Variants in CUX2 observed in about 807,000 individuals in gnomAD.
CUX2 encodes the protein homeobox protein cut-like 2.
A neutral mutation model predicts 144.8 loss-of-function variants in CUX2; 40 were observed. The ratio of observed to expected loss-of-function variants is 0.28; its 90% CI spans 0.21 to 0.36. The LOEUF (loss-of-function observed/expected upper bound fraction) is 0.36, where lower values mean the gene tolerates loss of function less well. CUX2 is among the 10% of genes least tolerant of loss of function. CUX2 has a pLI of 1.00. For synonymous variants in CUX2, 827 were observed against 875.6 expected, an observed-to-expected ratio of 0.94 and a Z score of 0.98; for missense variants, 1,615 against 1,994.0, an observed-to-expected ratio of 0.81 and a Z score of 3.62.
chr12:111,256,667 C>G (rs1227960359), intron 3 of CUX2, among the ~76,000 whole-genome samples: 1 of 152,154 alleles, frequency 6.6e-6, no homozygotes, highest in Non-Finnish European at 1.5e-5. Context: ...CAAGTCTGGG[C>G]CCTGGAGTGA....
At chr12:111,144,339 G>A (rs953289435) in intron 1 of CUX2, among the ~76,000 whole-genome samples, 1 of 152,110 alleles carries the variant, frequency 6.6e-6, no homozygotes, top group Non-Finnish European at 1.5e-5. Flanking sequence ...TGCCTTTTCC[G>A]GAGCCATCAG....
At chr12:111,214,331 T>A (rs748468383) in intron 2 of CUX2, 21 bp downstream of exon 2, 1 of 1,382,196 alleles carries the variant, frequency 7.2e-7, no homozygotes, top group South Asian at 1.2e-5. Flanking sequence ...TTTGCCGTTA[T>A]AGAATTAACT....
intron 14 of CUX2, 96 bp downstream of exon 14, chr12:111,308,622 A>T (rs1886720332): frequency 9.7e-7 from 1 of 1,032,376 alleles, no homozygotes; most frequent in Admixed American, 2.2e-5. Context: ...CCTTCCATGC[A>T]GGCAGGAGAA....
intron 1 of CUX2, among the ~76,000 whole-genome samples, chr12:111,202,924 G>T (rs1476255455): frequency 6.6e-6 from 1 of 152,030 alleles, no homozygotes; most frequent in Admixed American, 6.6e-5. Context: ...ACAGAAACGT[G>T]CTTAGTGTGT....
At chr12:111,226,591 C>G (rs1301283077) in intron 3 of CUX2, among the ~76,000 whole-genome samples, 2 of 152,024 alleles carry the variant, frequency 1.3e-5, no homozygotes, top group African/African-American at 2.4e-5. Flanking sequence ...ATCTAAAGAA[C>G]GATATTGACT....
At chr12:111,174,490 A>G (rs2136171456) in intron 1 of CUX2, among the ~76,000 whole-genome samples, 2 of 152,368 alleles carry the variant, frequency 1.3e-5, no homozygotes, top group South Asian at 4.1e-4. Context: ...TGTGAGTCAC[A>G]TGCAGCCCCT....
At position 111,304,061 on chromosome 12, in the gene CUX2, A is replaced by G. The variant is rs1217569460; in HGVS notation, c.754-149A>G. On this transcript the variant is annotated intron_variant, in intron 9 of 21. Coordinates refer to ENST00000261726, the MANE Select transcript of CUX2 (RefSeq NM_015267.4). This position sits in a 1 kb window ranked among gnomAD's most constrained non-coding sequence, Gnocchi z 4.7. ...AGACAGGGCTCTGTGACTGGTCTTC[A>G]TAGCTCCAGGACAGGGTCCGGGACT... 6.6e-6 allele frequency: 4 copies of G among 610,110 alleles called. No individual in the cohort carries two copies. The highest frequency in any genetic ancestry group is 1.2e-5 in the Non-Finnish European group (4 of 342,246). The allele number at this position is 610,110 out of a possible 1,614,324, so 37.8% of individuals were successfully genotyped here. A position where few individuals can be genotyped will look rare whatever the true frequency, so the allele number is the denominator to read the frequency against.
intron 1 of CUX2, among the ~76,000 whole-genome samples, chr12:111,044,340 C>T (rs2136005021): frequency 6.6e-6 from 1 of 152,136 alleles, no homozygotes; most frequent in Admixed American, 6.5e-5. Flanking sequence ...CCTTACTTGC[C>T]CTCAGGTTTT....
At chr12:111,217,984 T>TCC in intron 3 of CUX2, 47 bp downstream of exon 3, 2 of 1,605,966 alleles carry the variant, frequency 1.2e-6, no homozygotes, top group Non-Finnish European at 1.7e-6. Context: ...CCCCAATGGC[T>TCC]CCCCCTCCTA....
At chr12:111,176,456 A>T (rs1878862183) in intron 1 of CUX2, among the ~76,000 whole-genome samples, 1 of 152,098 alleles carries the variant, frequency 6.6e-6, no homozygotes, top group Admixed American at 6.5e-5. Context: ...TTACCTCTTG[A>T]AGCCTCAGTT....
intron 16 of CUX2, among the ~76,000 whole-genome samples, chr12:111,317,916 C>T (rs1472448382): frequency 6.6e-6 from 1 of 152,090 alleles, no homozygotes; most frequent in African/African-American, 2.4e-5. Flanking sequence ...AAGAGAATTG[C>T]CTGAACCTGG....
chr12:111,315,861 GA>G (rs1272773518), intron 16 of CUX2, among the ~76,000 whole-genome samples: 1 of 151,264 alleles, frequency 6.6e-6, no homozygotes, highest in African/African-American at 2.4e-5. Context: ...CTCCAAAAAA[GA>G]AAAAAAGAAA....
chr12:111,042,286 G>C (rs1427899170), intron 1 of CUX2, among the ~76,000 whole-genome samples: 3 of 152,212 alleles, frequency 2.0e-5, no homozygotes, highest in Non-Finnish European at 4.4e-5. Context: ...GGAGACCACA[G>C]GGGTCACAGG....
intron 4 of CUX2, among the ~76,000 whole-genome samples, chr12:111,283,170 A>C (rs1885205342): frequency 6.6e-6 from 1 of 151,968 alleles, no homozygotes; most frequent in African/African-American, 2.4e-5. Flanking sequence ...GTGAGCCAAG[A>C]TCGCGCCACT....
At chr12:111,149,958 G>A (rs1262979837) in intron 1 of CUX2, among the ~76,000 whole-genome samples, 3 of 152,226 alleles carry the variant, frequency 2.0e-5, no homozygotes, top group African/African-American at 4.8e-5. Flanking sequence ...CAGTGGAATT[G>A]TAGCCTTTTA....
chr12:111,330,726 T>TACATATACATATATATATATATATAC (rs1565926275), intron 18 of CUX2, among the ~76,000 whole-genome samples: 1 of 55,856 alleles, frequency 1.8e-5, no homozygotes, highest in African/African-American at 8.1e-5. Flanking sequence ...TATATATATA[T>TACATATACATATATATATATATATAC]ATATATATAT....
In CUX2 at chr12:111,320,485, C is replaced by T. The variant is rs1300303057; in HGVS notation, c.2476C>T (p.Arg826Cys). 1 of 1,588,688 alleles carries T rather than the reference C, an allele frequency of 6.3e-7. No homozygotes were observed. Among genetic ancestry groups the T allele is most frequent in the Non-Finnish European group, 8.5e-7 (1 of 1,172,776 alleles). The change falls in exon 17 of 22, where the codon CGC (arginine) becomes TGC (cysteine). Residue 826 changes from arginine (R) to cysteine (C), a missense_variant. By Grantham distance (180) the Arg-to-Cys change is radical. Coordinates refer to ENST00000261726, the MANE Select transcript of CUX2 (RefSeq NM_015267.4). This position sits in a 1 kb window ranked among gnomAD's most constrained non-coding sequence, Gnocchi z 8.1. ...CCAGCCCAACGGCCGCGCCTGGCCCCGCGGGGACGAGGCCCCTGTGCCCCC... is the reference window on the plus strand; with the variant it reads ...CCAGCCCAACGGCCGCGCCTGGCCCTGCGGGGACGAGGCCCCTGTGCCCCC... ...SGQPNGRAWP[R>C]GDEAPVPPED...
rs1320134660 is a variant in CUX2, at chr12:111,296,609, C to T, written c.704+70C>T. On this transcript the variant is annotated intron_variant, in intron 8 of 21. Transcript: ENST00000261726. ...CCAGACAGGCCTCCTCCTTCTGACC[C>T]TCCAGTACTTGCCTCCTCCCTCTGA... 8 of 1,433,446 alleles carry T rather than the reference C, an allele frequency of 5.6e-6. No individual in the cohort carries two copies. In the East Asian group the frequency reaches 1.2e-4, roughly 22 times the overall value. The allele number at this position is 1,433,446 out of a possible 1,614,324, so 88.8% of individuals were successfully genotyped here. A position where few individuals can be genotyped will look rare whatever the true frequency, so the allele number is the denominator to read the frequency against.
rs1008921845 is a variant in CUX2 at position 111,295,503 on chromosome 12, G to C, written c.637+94G>C. On this transcript the variant is annotated intron_variant, in intron 7 of 21. Transcript: ENST00000261726. This position sits in a 1 kb window ranked among gnomAD's most constrained non-coding sequence, Gnocchi z 5.0. ...CACGGCTTGGGGTCTGCCACATCCA[G>C]GTGTTTTAGAATCAAGAGGGCAAAA... is the stretch of plus-strand genomic sequence containing the variant. The C allele has an allele frequency of 5.4e-6, 6 of 1,116,944 alleles. No individual in the cohort carries two copies. The highest frequency in any genetic ancestry group is 4.8e-5 in the African/African-American group (3 of 63,118). The allele number at this position is 1,116,944 out of a possible 1,614,324, so 69.2% of individuals were successfully genotyped here.
Sources: allele counts gnomAD v4.1 joint callset (sites outside exome capture counted in the v4.1 genomes callset), GRCh38; gene constraint gnomAD v4.1.1; non-coding constraint Gnocchi (gnomAD v3.1); transcripts MANE v1.5; gene names NCBI Gene and HGNC (gene_info 2026-07-23, HGNC 2026-07-21).